The following GRM7 variants were observed in gnomAD, a reference collection of about 807,000 sequenced individuals.
GRM7 encodes the protein glutamate metabotropic receptor 7, also known as metabotropic glutamate receptor 7.
A neutral mutation model predicts 84.5 loss-of-function variants in GRM7; 35 were observed. The ratio of observed to expected loss-of-function variants is 0.41; its 90% CI spans 0.32 to 0.55. The LOEUF (loss-of-function observed/expected upper bound fraction) is 0.55, where lower values mean the gene tolerates loss of function less well. Among genes scored for constraint, GRM7 ranks in the 20% least tolerant of loss-of-function variants. The pLI is 0.19. For synonymous variants in GRM7, 487 were observed against 455.1 expected, an observed-to-expected ratio of 1.07 and a Z score of -0.89; for missense variants, 1,003 against 1,194.6, an observed-to-expected ratio of 0.84 and a Z score of 2.36.
At chr3:7,258,687 C>T (rs1698298855) in intron 2 of GRM7, among the ~76,000 whole-genome samples, 1 of 152,106 alleles carries the variant, frequency 6.6e-6, no homozygotes, top group Non-Finnish European at 1.5e-5. Flanking sequence ...GACCATGGGC[C>T]AGAAGTTTAT....
At chr3:7,594,939 T>C (rs1402619217) in intron 8 of GRM7, among the ~76,000 whole-genome samples, 2 of 71,378 alleles carry the variant, frequency 2.8e-5, no homozygotes, top group African/African-American at 7.3e-5. Context: ...TCTTCCTTTC[T>C]GTGTGTGTGT....
At chr3:7,661,791 T>A (rs1699459590) in intron 8 of GRM7, among the ~76,000 whole-genome samples, 1 of 5,512 alleles carries the variant, frequency 1.8e-4, no homozygotes, top group Non-Finnish European at 1.1e-3. Flanking sequence ...GAGGTCTCCG[T>A]CTCAAAAAAA....
At chr3:7,668,563 A>C (rs1699796405) in intron 8 of GRM7, among the ~76,000 whole-genome samples, 1 of 152,258 alleles carries the variant, frequency 6.6e-6, no homozygotes, top group Non-Finnish European at 1.5e-5. Flanking sequence ...CTTGGTTAGA[A>C]AAGTCTTTGC....
intron 4 of GRM7, among the ~76,000 whole-genome samples, chr3:7,411,646 A>G (rs1695941250): frequency 6.6e-6 from 1 of 152,186 alleles, no homozygotes; most frequent in East Asian, 1.9e-4. Flanking sequence ...TCTGGTTTGC[A>G]CATTTGTTAT....
At chr3:7,343,376 G>C (rs889066521) in intron 4 of GRM7, among the ~76,000 whole-genome samples, 2 of 152,140 alleles carry the variant, frequency 1.3e-5, no homozygotes, top group Non-Finnish European at 2.9e-5. Context: ...TGGGACTACA[G>C]GGATGTATTT....
At chr3:7,648,920 T>G (rs67336576) in intron 8 of GRM7, among the ~76,000 whole-genome samples, 1 of 151,870 alleles carries the variant, frequency 6.6e-6, no homozygotes, top group African/African-American at 2.4e-5. Flanking sequence ...GTCTCCTACA[T>G]TTCAGTCAGA....
intron 1 of GRM7, among the ~76,000 whole-genome samples, chr3:6,926,231 C>T (rs1697293356): frequency 6.6e-6 from 1 of 152,042 alleles, no homozygotes; most frequent in South Asian, 2.1e-4. Context: ...TAAAGACAAG[C>T]CCTTTCAGAT....
rs149354377 is a variant in GRM7 at position 7,498,836 on chromosome 3, CG to C, written c.1515+37116del. On this transcript the variant is annotated intron_variant, in intron 7 of 9. Transcript: ENST00000357716. ...GAGACCTGTTCTGATTAACTTAAAG[CG>C]GATGAGGCCAGAGCCCTCCACTTTC... Among the ~76,000 whole-genome samples the C allele has an allele frequency of 7.7e-3, 1,177 of 152,274 alleles. 22 individuals are homozygous for C. The highest frequency in any genetic ancestry group is 0.027 in the African/African-American group (1,117 of 41,556).
chr3:7,607,696 C>T (rs1361143750), intron 8 of GRM7: 1 of 146,148 alleles, frequency 6.8e-6, no homozygotes, highest in Admixed American at 6.9e-5. Flanking sequence ...ACCATCATTT[C>T]AGCAGACTCA....
intron 9 of GRM7, chr3:7,693,553 G>A: frequency 1.2e-6 from 1 of 861,860 alleles, no homozygotes; most frequent in African/African-American, 1.7e-5. Flanking sequence ...TTTTTGTCAT[G>A]TTTGCAAATT....
intron 5 of GRM7, among the ~76,000 whole-genome samples, chr3:7,437,743 C>T (rs1697118891): frequency 6.6e-6 from 1 of 152,024 alleles, no homozygotes; most frequent in South Asian, 2.1e-4. Context: ...TCCAGCCCGC[C>T]TCTCTCAACA....
intron 9 of GRM7, 26 bp downstream of exon 9, chr3:7,680,321 C>G (rs377686245): frequency 6.2e-7 from 1 of 1,610,824 alleles, no homozygotes; most frequent in African/African-American, 1.3e-5. Context: ...TTTCTTTCAT[C>G]TTCCCACCCT....
chr3:7,563,250 G>C (rs1694106357), intron 7 of GRM7, among the ~76,000 whole-genome samples: 1 of 152,100 alleles, frequency 6.6e-6, no homozygotes, highest in African/African-American at 2.4e-5. Flanking sequence ...AAGCTAGTCA[G>C]ATACAGAAGG....
intron 2 of GRM7, among the ~76,000 whole-genome samples, chr3:7,225,238 T>C (rs182443653): frequency 1.3e-5 from 2 of 151,594 alleles, no homozygotes; most frequent in African/African-American, 2.4e-5. Context: ...ACCTTTCAAA[T>C]TGCTTTTTTA....
chr3:7,477,530 G>A (rs1284417106), intron 7 of GRM7, among the ~76,000 whole-genome samples: 1 of 152,152 alleles, frequency 6.6e-6, no homozygotes, highest in African/African-American at 2.4e-5. Context: ...GTGACCAGAG[G>A]TAACAGATTT....
At position 7,616,344 on chromosome 3, in the gene GRM7, T is replaced by C. The variant is rs559762951; in HGVS notation, c.2451+36987T>C. Reference sequence around the variant, plus strand: ...TAATTTCAAGTGCATAAATCTATGCTTCGTGTGCTTCCTACACCTAACTTA... The same window carrying C: ...TAATTTCAAGTGCATAAATCTATGCCTCGTGTGCTTCCTACACCTAACTTA... On this transcript the variant is annotated intron_variant, in intron 8 of 9. Coordinates refer to ENST00000357716, the MANE Select transcript of GRM7 (RefSeq NM_000844.4). 1.6e-4 allele frequency among the ~76,000 whole-genome samples: 24 copies of C among 152,282 alleles called. No individual in the cohort carries two copies. In the East Asian group the frequency reaches 4.6e-3, roughly 29 times the overall value.
intron 1 of GRM7, among the ~76,000 whole-genome samples, chr3:6,989,101 C>T (rs957029762): frequency 6.6e-6 from 1 of 152,334 alleles, no homozygotes; most frequent in African/African-American, 2.4e-5. Flanking sequence ...GGATATATCA[C>T]ATTTCTGAAA....
At chr3:6,893,784 C>T (rs1696063717) in intron 1 of GRM7, 1 of 152,098 alleles carries the variant, frequency 6.6e-6, no homozygotes, top group Non-Finnish European at 1.5e-5. Flanking sequence ...CTAACAATAA[C>T]ACTAATAATT....
chr3:7,410,458 A>C (rs915683960), intron 4 of GRM7, among the ~76,000 whole-genome samples: 15 of 152,080 alleles, frequency 9.9e-5, no homozygotes, highest in African/African-American at 3.6e-4. Context: ...CTGTGGTCCC[A>C]GCTACCCAGG....
Sources: allele counts gnomAD v4.1 joint callset (sites outside exome capture counted in the v4.1 genomes callset), GRCh38; gene constraint gnomAD v4.1.1; transcripts MANE v1.5; gene names NCBI Gene and HGNC (gene_info 2026-07-23, HGNC 2026-07-21).